DLG2: variants seen among roughly 807,000 people sequenced by gnomAD.
DLG2 encodes discs large MAGUK scaffold protein 2, also known as disks large homolog 2.
In DLG2, 45 loss-of-function variants were observed where a neutral mutation model predicts 132.5. The observed-to-expected ratio is 0.34, with a 90% CI of 0.27 to 0.44. The LOEUF (loss-of-function observed/expected upper bound fraction) is 0.44, where lower values mean the gene tolerates loss of function less well. DLG2 is among the 20% of genes least tolerant of loss of function. DLG2 has a pLI of 1.00. For missense variants in DLG2, 1,045 were observed against 1,196.9 expected (o/e 0.87, Z 1.87); for synonymous variants, 424 against 419.6 (o/e 1.01, Z -0.13).
chr11:84,912,720 G>A (rs1391925966), intron 6 of DLG2, among the ~76,000 whole-genome samples: 1 of 152,188 alleles, frequency 6.6e-6, no homozygotes, highest in Non-Finnish European at 1.5e-5. Flanking sequence ...GGCGTGAGCC[G>A]TGGATGGGAA....
chr11:85,571,887 G>A (rs568061966), intron 3 of DLG2, among the ~76,000 whole-genome samples: 2 of 152,272 alleles, frequency 1.3e-5, no homozygotes, highest in East Asian at 3.9e-4. Context: ...AATCTTTTGA[G>A]CTGGTCTTTC....
At chr11:84,131,468 C>T (rs915579697) in intron 9 of DLG2, among the ~76,000 whole-genome samples, 1 of 151,900 alleles carries the variant, frequency 6.6e-6, no homozygotes, top group African/African-American at 2.4e-5. Context: ...CGTGTTCCTA[C>T]CATGAGCAGG....
chr11:84,054,842 A>G (rs748066771), intron 11 of DLG2, among the ~76,000 whole-genome samples: 1 of 152,096 alleles, frequency 6.6e-6, no homozygotes, highest in African/African-American at 2.4e-5. Context: ...TTTATCCTCT[A>G]TTCTGTGCAA....
intron 6 of DLG2, among the ~76,000 whole-genome samples, chr11:84,967,795 C>T (rs150006396): frequency 6.6e-6 from 1 of 152,130 alleles, no homozygotes; most frequent in East Asian, 1.9e-4. Context: ...CTGGAAAAAT[C>T]ACACAATGAG....
At chr11:85,164,653 A>T (rs2078295154) in intron 4 of DLG2, among the ~76,000 whole-genome samples, 1 of 152,204 alleles carries the variant, frequency 6.6e-6, no homozygotes, top group Non-Finnish European at 1.5e-5. Flanking sequence ...GACATAATAG[A>T]AGTAGTAATA....
intron 7 of DLG2, chr11:84,316,933 C>T: frequency 1.2e-6 from 2 of 1,612,814 alleles, no homozygotes; most frequent in South Asian, 1.1e-5. Flanking sequence ...CCCACAAGGT[C>T]CTGTTGAAGC....
intron 11 of DLG2, among the ~76,000 whole-genome samples, chr11:84,047,467 T>G (rs902935008): frequency 1.3e-4 from 20 of 151,542 alleles, no homozygotes; most frequent in African/African-American, 4.4e-4. Context: ...TTTAAAAAAT[T>G]TATAGTTGTA....
At chr11:84,632,002 G>A (rs565282097) in intron 6 of DLG2, among the ~76,000 whole-genome samples, 13 of 152,268 alleles carry the variant, frequency 8.5e-5, no homozygotes, top group African/African-American at 2.4e-4. Context: ...TTCAATAAAT[G>A]TCATTTCACT....
intron 19 of DLG2, among the ~76,000 whole-genome samples, chr11:83,615,337 G>A (rs944679853): frequency 1.3e-5 from 2 of 152,146 alleles, no homozygotes; most frequent in Admixed American, 6.6e-5. Context: ...TTGCAACAAC[G>A]CTTTATTAAA....
intron 3 of DLG2, among the ~76,000 whole-genome samples, chr11:85,475,289 A>G (rs1249757724): frequency 2.0e-5 from 3 of 151,930 alleles, no homozygotes; most frequent in African/African-American, 7.2e-5. Context: ...AGTTTGACCA[A>G]TTCTACCAAA....
At chr11:83,505,707 C>T (rs983430320) in intron 21 of DLG2, among the ~76,000 whole-genome samples, 2 of 152,212 alleles carry the variant, frequency 1.3e-5, no homozygotes, top group Admixed American at 1.3e-4. Context: ...GCCATTTCTC[C>T]TTCCATGCAA....
intron 11 of DLG2, among the ~76,000 whole-genome samples, chr11:83,995,432 T>C (rs1348182365): frequency 1.3e-5 from 2 of 152,166 alleles, no homozygotes; most frequent in African/African-American, 4.8e-5. Flanking sequence ...CTTTGAAAAA[T>C]TTTAACCATG....
chr11:84,629,515 C>T (rs544633301), intron 6 of DLG2, among the ~76,000 whole-genome samples: 144 of 152,246 alleles, frequency 9.5e-4, no homozygotes, highest in South Asian at 1.7e-3. Context: ...TTGATCACAC[C>T]GGCAGAAATG....
chr11:84,396,911 G>A (rs2098812954), intron 7 of DLG2, among the ~76,000 whole-genome samples: 1 of 152,116 alleles, frequency 6.6e-6, no homozygotes, highest in Non-Finnish European at 1.5e-5. Flanking sequence ...ATAGCTTAAG[G>A]TTTGGGACCC....
At chr11:83,605,784 T>C (rs951623268) in intron 19 of DLG2, among the ~76,000 whole-genome samples, 6 of 152,226 alleles carry the variant, frequency 3.9e-5, no homozygotes, top group Non-Finnish European at 7.3e-5. Flanking sequence ...CAAGAGTACT[T>C]GCAGTGTTCC....
At chr11:85,219,533 A>G (rs1466096829) in intron 4 of DLG2, among the ~76,000 whole-genome samples, 2 of 151,874 alleles carry the variant, frequency 1.3e-5, no homozygotes, top group Non-Finnish European at 2.9e-5. Context: ...TGAGGGTTCT[A>G]GAGGAGGATA....
At chr11:85,384,824 G>A (rs111845788) in intron 3 of DLG2, among the ~76,000 whole-genome samples, 466 of 152,168 alleles carry the variant, frequency 3.1e-3, no homozygotes, top group Non-Finnish European at 5.2e-3. Flanking sequence ...CACCCACCTC[G>A]GCCTCCAAAA....
rs2153168469 is a variant in DLG2, at chr11:85,516,671, T to A, written c.40+81986A>T. Among the ~76,000 whole-genome samples the A allele has an allele frequency of 1.3e-5, 2 of 152,130 alleles. 1 individual carries two copies. Among genetic ancestry groups the A allele is most frequent in the Middle Eastern group, 6.8e-3 (2 of 294 alleles). ...CTCTACACTGACAAACTAGAAATCC[T>A]AGAGGAAATGAATAAATTCCTGAAC... On this transcript the variant is annotated intron_variant, in intron 3 of 27. Transcript: ENST00000376104.
chr11:84,857,327 A>C (rs2082929413), intron 6 of DLG2, among the ~76,000 whole-genome samples: 1 of 152,002 alleles, frequency 6.6e-6, no homozygotes, highest in African/African-American at 2.4e-5. Context: ...AGGTTCCAGA[A>C]GAGATGAGAA....
Sources: allele counts gnomAD v4.1 joint callset (sites outside exome capture counted in the v4.1 genomes callset), GRCh38; gene constraint gnomAD v4.1.1; transcripts MANE v1.5; gene names NCBI Gene and HGNC (gene_info 2026-07-23, HGNC 2026-07-21).